The following FANCC variants were observed in gnomAD, a reference collection of about 807,000 sequenced individuals.
FANCC encodes the protein Fanconi anemia group C protein.
In FANCC, 55 loss-of-function variants were observed where a neutral mutation model predicts 71.3. The ratio of observed to expected loss-of-function variants is 0.77; its 90% CI spans 0.62 to 0.97. FANCC has a LOEUF of 0.97. Among genes scored for constraint, FANCC ranks in the 50% least tolerant of loss-of-function variants. The probability of loss-of-function intolerance (pLI) is 0.00; values close to 1 mark genes in which losing one functional copy is unlikely to be tolerated. For synonymous variants in FANCC, 275 were observed against 244.9 expected, an observed-to-expected ratio of 1.12 and a Z score of -1.15; for missense variants, 678 against 670.9, an observed-to-expected ratio of 1.01 and a Z score of -0.12.
chr9:95,255,918 A>G (rs1831628421), intron 1 of FANCC, among the ~76,000 whole-genome samples: 1 of 151,920 alleles, frequency 6.6e-6, no homozygotes, highest in Non-Finnish European at 1.5e-5. Context: ...TCGATCAAGC[A>G]GAAGAAAGGA....
At chr9:95,213,904 G>C (rs1005571510) in intron 4 of FANCC, among the ~76,000 whole-genome samples, 3 of 152,102 alleles carry the variant, frequency 2.0e-5, no homozygotes, top group African/African-American at 7.2e-5. Context: ...CATATACCAG[G>C]ATAAGGGATT....
intron 6 of FANCC, among the ~76,000 whole-genome samples, chr9:95,168,587 GTGA>G (rs1454555445): frequency 2.0e-5 from 3 of 152,256 alleles, no homozygotes; most frequent in Non-Finnish European, 4.4e-5. Context: ...CTGGAGTGCA[GTGA>G]TGCAATATCA....
At chr9:95,251,508 G>T (rs1339144363) in intron 1 of FANCC, among the ~76,000 whole-genome samples, 1 of 151,948 alleles carries the variant, frequency 6.6e-6, no homozygotes, top group East Asian at 1.9e-4. Flanking sequence ...TAGAGACGGG[G>T]TCTCACCATG....
intron 4 of FANCC, among the ~76,000 whole-genome samples, chr9:95,191,101 T>A (rs1210642633): frequency 1.3e-5 from 2 of 151,048 alleles, no homozygotes; most frequent in Non-Finnish European, 3.0e-5. Context: ...TTCAAGACCA[T>A]GAGATTTTGT....
At position 95,129,858 on chromosome 9, in the gene FANCC, T is replaced by C. The variant is rs537597825; in HGVS notation, c.844-3277A>G. The stretch of plus-strand genomic sequence containing the variant: ...GAGCTCTGGGTTCTGCCCTCCCTCT[T>C]GTATAGACCCGATTGTTCTGCTGGG... On this transcript the variant is annotated intron_variant, in intron 8 of 14. Transcript: ENST00000289081. 1.4e-3 allele frequency among the ~76,000 whole-genome samples: 208 copies of C among 152,300 alleles called. 1 individual carries two copies. Among genetic ancestry groups the C allele is most frequent in the African/African-American group, 4.9e-3 (202 of 41,564 alleles).
At chr9:95,168,701 G>C (rs1056204309) in intron 6 of FANCC, among the ~76,000 whole-genome samples, 1 of 152,120 alleles carries the variant, frequency 6.6e-6, no homozygotes, top group African/African-American at 2.4e-5. Flanking sequence ...CAGCTAATTT[G>C]TACTTTTAGT....
Position 95,252,301 on chromosome 9 carries a change from AAAAAG to A in FANCC, c.-78-2937_-78-2933del, listed in dbSNP as rs1400262987. ...AAAAAAAAAAAAAAAAAAAGAAAAA[AAAAAG>A]AAACAAAGAAACTGAAGAAACTAAC... is the stretch of plus-strand genomic sequence containing the variant. On this transcript the variant is annotated intron_variant, in intron 1 of 14. Coordinates refer to ENST00000289081, the MANE Select transcript of FANCC (RefSeq NM_000136.3). 1.4e-4 allele frequency among the ~76,000 whole-genome samples: 21 copies of A among 151,282 alleles called. No homozygotes were observed. In the East Asian group the frequency reaches 2.7e-3, roughly 20 times the overall value.
At chr9:95,149,271 T>G (rs774898938) in intron 7 of FANCC, among the ~76,000 whole-genome samples, 1 of 151,952 alleles carries the variant, frequency 6.6e-6, no homozygotes, top group South Asian at 2.1e-4. Context: ...AAGGAAACAA[T>G]AGTCGCTGGG....
intron 4 of FANCC, among the ~76,000 whole-genome samples, chr9:95,230,206 G>C (rs1048814346): frequency 6.6e-6 from 1 of 152,168 alleles, no homozygotes; most frequent in Non-Finnish European, 1.5e-5. Context: ...CCTAGTGAAA[G>C]AGGTCTGTCT....
In FANCC at chr9:95,128,621, T is replaced by C. The variant is rs1232447232; in HGVS notation, c.844-2040A>G. On this transcript the variant is annotated intron_variant, in intron 8 of 14. Transcript: ENST00000289081. Reference sequence around the variant, plus strand: ...GGAAGACAGCTCTTACTCAGTTTGTTAGAAGAGAGTGAGAGCTTAGATCTG... The same window carrying C: ...GGAAGACAGCTCTTACTCAGTTTGTCAGAAGAGAGTGAGAGCTTAGATCTG... Among the ~76,000 whole-genome samples, 97 of 152,318 alleles carry C rather than the reference T, an allele frequency of 6.4e-4. 1 individual carries two copies. The highest frequency in any genetic ancestry group is 6.5e-5 in the Admixed American group (1 of 15,304).
At chr9:95,273,658 G>A (rs1832863803) in intron 1 of FANCC, among the ~76,000 whole-genome samples, 1 of 152,152 alleles carries the variant, frequency 6.6e-6, no homozygotes, top group Admixed American at 6.5e-5. Context: ...AGTTCAGAAG[G>A]TGGTCACAAT....
chr9:95,292,740 G>A, intron 1 of FANCC: 1 of 1,368,366 alleles, frequency 7.3e-7, no homozygotes, highest in Non-Finnish European at 1.0e-6. Context: ...TTGTCCAATC[G>A]AAGGCTGCCC....
At chr9:95,222,162 CAAA>C (rs60764731) in intron 4 of FANCC, among the ~76,000 whole-genome samples, 2 of 70,626 alleles carry the variant, frequency 2.8e-5, no homozygotes, top group Non-Finnish European at 5.4e-5. Flanking sequence ...GGCCCCATCT[CAAA>C]AAAAAAAAAA....
chr9:95,103,987 G>A (rs1384077129), intron 14 of FANCC, among the ~76,000 whole-genome samples: 1 of 152,224 alleles, frequency 6.6e-6, no homozygotes, highest in Non-Finnish European at 1.5e-5. Flanking sequence ...CAGCTGGGAG[G>A]TGGCTGCGCT....
chr9:95,244,587 G>A (rs1377896797), intron 3 of FANCC, among the ~76,000 whole-genome samples: 14 of 147,460 alleles, frequency 9.5e-5, no homozygotes, highest in Non-Finnish European at 3.0e-5. Context: ...GCTGAGGCAG[G>A]AGAATCCCTT....
Position 95,225,830 on chromosome 9 carries a change from G to A in FANCC, c.345+14819C>T, listed in dbSNP as rs1247571737. On this transcript the variant is annotated intron_variant, in intron 4 of 14. Transcript: ENST00000289081. ...ATGGTATCTCATTTTACCCCTTTAG[G>A]GGAGGCAAATTTTCATAATGGGAAG... Among the ~76,000 whole-genome samples, 6 of 152,098 alleles carry A rather than the reference G, an allele frequency of 3.9e-5. No individual in the cohort carries two copies. The East Asian group carries it at 1.2e-3, about 29-fold the overall frequency.
chr9:95,176,040 C>T (rs1825993681), intron 4 of FANCC, among the ~76,000 whole-genome samples: 1 of 152,194 alleles, frequency 6.6e-6, no homozygotes, highest in Non-Finnish European at 1.5e-5. Flanking sequence ...TTCTATTTAA[C>T]ACTCATTTAA....
intron 1 of FANCC, among the ~76,000 whole-genome samples, chr9:95,257,497 C>CA (rs1216293427): frequency 6.6e-6 from 1 of 152,162 alleles, no homozygotes; most frequent in Non-Finnish European, 1.5e-5. Context: ...AACAAAGACA[C>CA]AACGTACCAG....
rs1160379158 is a variant in FANCC at position 95,180,347 on chromosome 9, T to C, written c.346-8200A>G. On this transcript the variant is annotated intron_variant, in intron 4 of 14. Transcript: ENST00000289081. ...CTGTCTTACAGTTAACTCTTTTTTT[T>C]TTTTTTTTTTTTTTTTTGAGACAGG... Among the ~76,000 whole-genome samples, 4 of 147,308 alleles carry C rather than the reference T, an allele frequency of 2.7e-5. No homozygotes were observed. In the East Asian group the frequency reaches 7.9e-4, roughly 29 times the overall value.
Sources: allele counts gnomAD v4.1 joint callset (sites outside exome capture counted in the v4.1 genomes callset), GRCh38; gene constraint gnomAD v4.1.1; transcripts MANE v1.5; gene names NCBI Gene and HGNC (gene_info 2026-07-23, HGNC 2026-07-21).